Variants in NTM observed in about 807,000 individuals in gnomAD.
The protein encoded by NTM is IgLON family member 2.
NTM carries 13 observed loss-of-function variants against 42.1 expected under a neutral mutation model. That is an observed-to-expected ratio of 0.31 (90% CI 0.20 to 0.49). The LOEUF (loss-of-function observed/expected upper bound fraction) is 0.49. Among genes scored for constraint, NTM ranks in the 20% least tolerant of loss-of-function variants. The probability of loss-of-function intolerance (pLI) is 0.99; values close to 1 mark genes in which losing one functional copy is unlikely to be tolerated. For missense variants in NTM, 373 were observed against 452.8 expected (o/e 0.82, Z 1.60); for synonymous variants, 187 against 179.2 (o/e 1.04, Z -0.35).
intron 4 of NTM, among the ~76,000 whole-genome samples, chr11:132,298,369 T>C (rs1289634909): frequency 6.6e-6 from 1 of 152,222 alleles, no homozygotes; most frequent in African/African-American, 2.4e-5. Context: ...CTACTGCAAA[T>C]ACACAGTTCC....
chr11:131,378,550 A>G (rs7131608), intron 1 of NTM, among the ~76,000 whole-genome samples: 2,086 of 152,328 alleles, frequency 0.014, 48 homozygotes, highest in African/African-American at 0.048. Context: ...TCATATATGC[A>G]TGCATTTATT....
chr11:132,188,698 A>T (rs73595496), intron 3 of NTM, among the ~76,000 whole-genome samples: 2,482 of 152,262 alleles, frequency 0.016, 58 homozygotes, highest in African/African-American at 0.056. Context: ...TGAGGGTGAG[A>T]TGGAGACCCC....
intron 3 of NTM, among the ~76,000 whole-genome samples, chr11:132,147,214 TGAGAGAGA>T (rs113704092): frequency 8.1e-6 from 1 of 122,896 alleles, no homozygotes; most frequent in Admixed American, 8.4e-5. Context: ...TGTGTGTGTG[TGAGAGAGA>T]GAGAGAGAGA....
At chr11:132,271,215 T>C (rs2093461675) in intron 4 of NTM, among the ~76,000 whole-genome samples, 1 of 152,206 alleles carries the variant, frequency 6.6e-6, no homozygotes, top group South Asian at 2.1e-4. Context: ...TCCATCCATA[T>C]TGTAGAGTCT....
At chr11:131,582,818 T>A (rs1034782932) in intron 1 of NTM, among the ~76,000 whole-genome samples, 3 of 149,326 alleles carry the variant, frequency 2.0e-5, no homozygotes, top group African/African-American at 7.4e-5. Flanking sequence ...CAGCCCCTTC[T>A]GAGATTTACT....
chr11:131,376,572 C>T (rs1346863457), intron 1 of NTM, among the ~76,000 whole-genome samples: 2 of 152,046 alleles, frequency 1.3e-5, no homozygotes, highest in African/African-American at 2.4e-5. Context: ...CGGAGAAGAG[C>T]GTATTTCAAG....
intron 4 of NTM, among the ~76,000 whole-genome samples, chr11:132,256,385 A>G (rs978620524): frequency 3.3e-5 from 5 of 152,206 alleles, no homozygotes; most frequent in African/African-American, 1.2e-4. Context: ...CATGCCAGGA[A>G]TGTTGACCAG....
chr11:131,402,851 T>A (rs1945394828), intron 1 of NTM, among the ~76,000 whole-genome samples: 1 of 152,178 alleles, frequency 6.6e-6, no homozygotes, highest in Non-Finnish European at 1.5e-5. Context: ...AAGGGCTGTA[T>A]CATAGGGCCT....
At chr11:131,559,603 T>G (rs1048026494) in intron 1 of NTM, among the ~76,000 whole-genome samples, 1 of 152,220 alleles carries the variant, frequency 6.6e-6, no homozygotes, top group Non-Finnish European at 1.5e-5. Flanking sequence ...GAGTTCTATA[T>G]GAGTCAAAAT....
chr11:131,851,161 T>C (rs562275204), intron 1 of NTM, among the ~76,000 whole-genome samples: 4 of 152,144 alleles, frequency 2.6e-5, no homozygotes, highest in East Asian at 3.9e-4. Context: ...ATTATTGGGG[T>C]CAAATGGATC....
chr11:132,287,775 G>T (rs1193762763), intron 4 of NTM, among the ~76,000 whole-genome samples: 1 of 152,210 alleles, frequency 6.6e-6, no homozygotes, highest in Admixed American at 6.5e-5. Context: ...GCATGTGAAT[G>T]TGTCTCTAAT....
chr11:131,524,321 G>C (rs2050163024), intron 1 of NTM, among the ~76,000 whole-genome samples: 1 of 152,204 alleles, frequency 6.6e-6, no homozygotes, highest in South Asian at 2.1e-4. Context: ...CAAGCTCCAA[G>C]AGACGAAGGT....
chr11:131,568,251 G>A (rs978701962), intron 1 of NTM, among the ~76,000 whole-genome samples: 8 of 152,138 alleles, frequency 5.3e-5, no homozygotes, highest in East Asian at 1.9e-4. Flanking sequence ...ACCACATACC[G>A]GGCTCAGTCC....
intron 2 of NTM, among the ~76,000 whole-genome samples, chr11:132,052,385 G>A (rs2078976167): frequency 6.6e-6 from 1 of 152,080 alleles, no homozygotes; most frequent in East Asian, 1.9e-4. Context: ...AGTGATGTTT[G>A]AGTACCACTA....
intron 1 of NTM, chr11:131,795,282 T>G: frequency 2.0e-6 from 1 of 508,958 alleles, no homozygotes; most frequent in Non-Finnish European, 2.5e-6. Flanking sequence ...CTTATAGGGT[T>G]GTTGTTAGGA....
chr11:132,220,889 C>A (rs1291980550), intron 4 of NTM, among the ~76,000 whole-genome samples: 1 of 152,198 alleles, frequency 6.6e-6, no homozygotes, highest in African/African-American at 2.4e-5. Context: ...CCCTACAGGG[C>A]AGGAGACCCC....
At chr11:131,731,368 C>A (rs951258897) in intron 1 of NTM, among the ~76,000 whole-genome samples, 2 of 148,618 alleles carry the variant, frequency 1.3e-5, no homozygotes, top group Admixed American at 6.7e-5. Flanking sequence ...GGCAGGTCAA[C>A]ACTTAGTCTT....
chr11:131,866,638 G>A (rs536132153), intron 1 of NTM, among the ~76,000 whole-genome samples: 71 of 152,370 alleles, frequency 4.7e-4, no homozygotes, highest in African/African-American at 1.6e-3. Context: ...CAAGACTGCT[G>A]ACAAAGGAAT....
chr11:132,087,173 T>G (rs762401663), intron 2 of NTM, among the ~76,000 whole-genome samples: 1 of 152,186 alleles, frequency 6.6e-6, no homozygotes, highest in Non-Finnish European at 1.5e-5. Flanking sequence ...CCCAGTGACC[T>G]TGATAGGGTG....
Sources: gnomAD v4.1 joint callset for allele counts (sites outside exome capture counted in the v4.1 genomes callset) on GRCh38, gnomAD v4.1.1 for gene constraint, MANE v1.5 for transcripts, NCBI Gene and HGNC (gene_info 2026-07-23, HGNC 2026-07-21) for gene names.